CDH2: variants seen among roughly 807,000 people sequenced by gnomAD.
CDH2 encodes cadherin 2, also known as cadherin-2.
CDH2 carries 17 observed loss-of-function variants against 92.0 expected under a neutral mutation model. That is an observed-to-expected ratio of 0.18 (90% confidence interval 0.13 to 0.28). The LOEUF (loss-of-function observed/expected upper bound fraction) is 0.28. Ranked by LOEUF, CDH2 falls within the 10% of genes least tolerant of loss-of-function variation. The pLI, the probability that CDH2 is intolerant of heterozygous loss-of-function variation, is 1.00. For synonymous variants in CDH2, 419 were observed against 415.9 expected, an observed-to-expected ratio of 1.01 and a Z score of -0.09; for missense variants, 862 against 1,133.1, an observed-to-expected ratio of 0.76 and a Z score of 3.44.
At chr18:27,983,287 T>A (rs184458950) in intron 13 of CDH2, among the ~76,000 whole-genome samples, 1 of 152,320 alleles carries the variant, frequency 6.6e-6, no homozygotes, top group Admixed American at 6.5e-5. Flanking sequence ...TATGAAGGCC[T>A]GGGCTCCCAT....
intron 10 of CDH2, among the ~76,000 whole-genome samples, chr18:27,989,106 C>T (rs1810053178): frequency 6.6e-6 from 1 of 152,162 alleles, no homozygotes; most frequent in Admixed American, 6.5e-5. Flanking sequence ...AACATTTTAA[C>T]ACTTTATCAT....
chr18:28,175,691 C>T (rs2016528654), intron 1 of CDH2, among the ~76,000 whole-genome samples: 1 of 152,224 alleles, frequency 6.6e-6, no homozygotes, highest in South Asian at 2.1e-4. Context: ...GTAATCCACA[C>T]CACCTGTCTC....
At chr18:28,070,390 G>A (rs1323361965) in intron 2 of CDH2, among the ~76,000 whole-genome samples, 1 of 152,180 alleles carries the variant, frequency 6.6e-6, no homozygotes, top group African/African-American at 2.4e-5. Flanking sequence ...GCTTGAGAAA[G>A]TAGTTGCTAA....
At chr18:27,941,902 C>G (rs1317397453) in intron 6 of CDH2, among the ~76,000 whole-genome samples, 3 of 152,136 alleles carry the variant, frequency 2.0e-5, no homozygotes, top group African/African-American at 7.2e-5. Flanking sequence ...GGATATTCTT[C>G]CAGAGCTGGC....
At chr18:27,934,160 G>A (rs1047492671) in intron 6 of CDH2, among the ~76,000 whole-genome samples, 3 of 152,094 alleles carry the variant, frequency 2.0e-5, no homozygotes, top group African/African-American at 4.8e-5. Context: ...TATATCAGTT[G>A]TGCTGAAGCA....
intron 2 of CDH2, among the ~76,000 whole-genome samples, chr18:28,068,246 C>T (rs1015650079): frequency 6.6e-6 from 1 of 152,172 alleles, no homozygotes; most frequent in Non-Finnish European, 1.5e-5. Flanking sequence ...AACAGCTTTT[C>T]AGACTTGGAA....
At chr18:27,972,024 C>T (rs935653173) in intron 14 of CDH2, among the ~76,000 whole-genome samples, 3 of 152,120 alleles carry the variant, frequency 2.0e-5, no homozygotes, top group African/African-American at 7.2e-5. Flanking sequence ...ACAGAGATCC[C>T]CTGGCTCAAG....
At chr18:28,065,820 G>A (rs113929339) in intron 2 of CDH2, among the ~76,000 whole-genome samples, 5 of 152,310 alleles carry the variant, frequency 3.3e-5, no homozygotes, top group African/African-American at 1.2e-4. Context: ...CCTTAGGTAT[G>A]AGGTGATACA....
chr18:28,124,445 T>A (rs924931534), intron 2 of CDH2, among the ~76,000 whole-genome samples: 3 of 152,108 alleles, frequency 2.0e-5, no homozygotes, highest in African/African-American at 7.2e-5. Context: ...AGCATGTGTT[T>A]CCCAATTTCT....
chr18:28,097,611 A>G (rs1364394274), intron 2 of CDH2, among the ~76,000 whole-genome samples: 1 of 152,208 alleles, frequency 6.6e-6, no homozygotes, highest in African/African-American at 2.4e-5. Context: ...CATAGTGTGT[A>G]TTATAAGTAA....
intron 2 of CDH2, among the ~76,000 whole-genome samples, chr18:28,080,330 A>T (rs2014805287): frequency 6.6e-6 from 1 of 152,168 alleles, no homozygotes; most frequent in Non-Finnish European, 1.5e-5. Flanking sequence ...TAATAAGGCA[A>T]TTTGAAAGAA....
intron 1 of CDH2, among the ~76,000 whole-genome samples, chr18:28,164,108 A>C (rs2016344627): frequency 6.6e-6 from 1 of 152,214 alleles, no homozygotes; most frequent in Non-Finnish European, 1.5e-5. Flanking sequence ...CACAATAAAA[A>C]TTATTTTTCA....
At chr18:28,061,956 A>G (rs2014411874) in intron 2 of CDH2, among the ~76,000 whole-genome samples, 1 of 152,142 alleles carries the variant, frequency 6.6e-6, no homozygotes, top group African/African-American at 2.4e-5. Context: ...ACAATTCAAG[A>G]TGAGATTTGG....
At chr18:28,002,022 T>C (rs1423555463) in intron 7 of CDH2, among the ~76,000 whole-genome samples, 1 of 152,170 alleles carries the variant, frequency 6.6e-6, no homozygotes, top group Non-Finnish European at 1.5e-5. Context: ...TCCCTATGAG[T>C]TGGCGCTTTG....
At chr18:28,008,552 A>G (rs920191219) in intron 5 of CDH2, among the ~76,000 whole-genome samples, 3 of 152,130 alleles carry the variant, frequency 2.0e-5, no homozygotes, top group Admixed American at 2.0e-4. Context: ...CAATGAGAAC[A>G]CTTAGACACA....
At chr18:28,100,091 T>A (rs554288229) in intron 2 of CDH2, among the ~76,000 whole-genome samples, 1 of 152,260 alleles carries the variant, frequency 6.6e-6, no homozygotes, top group South Asian at 2.1e-4. Context: ...AAACACCACA[T>A]GTGACGGTTA....
At chr18:28,160,364 T>C (rs1004749690) in intron 1 of CDH2, among the ~76,000 whole-genome samples, 1 of 152,028 alleles carries the variant, frequency 6.6e-6, no homozygotes, top group Admixed American at 6.6e-5. Context: ...GGGCCTCAGC[T>C]TGAACGTGCT....
chr18:28,163,888 T>C (rs1158356166), intron 1 of CDH2, among the ~76,000 whole-genome samples: 1 of 152,210 alleles, frequency 6.6e-6, no homozygotes, highest in South Asian at 2.1e-4. Context: ...AAAACCCAGA[T>C]AGTAGTTATC....
chr18:28,129,268 T>C (rs2015727883), intron 2 of CDH2, among the ~76,000 whole-genome samples: 1 of 152,220 alleles, frequency 6.6e-6, no homozygotes, highest in Non-Finnish European at 1.5e-5. Context: ...TCCATCATTC[T>C]GGTATTTTTA....
Sources: allele counts gnomAD v4.1 joint callset (sites outside exome capture counted in the v4.1 genomes callset), GRCh38; gene constraint gnomAD v4.1.1; transcripts MANE v1.5; gene names NCBI Gene and HGNC (gene_info 2026-07-23, HGNC 2026-07-21).